NPSR1: variants seen among roughly 807,000 people sequenced by gnomAD.
The protein encoded by NPSR1 is neuropeptide S receptor.
NPSR1 carries 48 observed loss-of-function variants against 46.9 expected under a neutral mutation model. The ratio of observed to expected loss-of-function variants is 1.02; its 90% CI spans 0.81 to 1.30. The LOEUF is 1.30. NPSR1 is among the 50% of genes most tolerant of loss of function. NPSR1 has a pLI of 0.00. For missense variants in NPSR1, 450 were observed against 449.5 expected (o/e 1.00, Z -0.01); for synonymous variants, 176 against 168.1 (o/e 1.05, Z -0.36).
chr7:34,810,620 AC>A (rs1788932915), intron 3 of NPSR1, among the ~76,000 whole-genome samples: 1 of 152,096 alleles, frequency 6.6e-6, no homozygotes, highest in Non-Finnish European at 1.5e-5. Flanking sequence ...TCATCTCTTG[AC>A]TCCCACTGAT....
chr7:34,738,567 CT>C (rs888214623), intron 2 of NPSR1, among the ~76,000 whole-genome samples: 1 of 151,752 alleles, frequency 6.6e-6, no homozygotes, highest in African/African-American at 2.4e-5. Flanking sequence ...TTTTTGGCTT[CT>C]TTTTTTTCTT....
chr7:34,848,747 A>C, intron 8 of NPSR1, 84 bp downstream of exon 8: 1 of 1,218,502 alleles, frequency 8.2e-7, no homozygotes, highest in Non-Finnish European at 1.2e-6. Flanking sequence ...TCATGTCCAA[A>C]CTCTCCAGCA....
rs1791094434 is a variant in NPSR1, at chr7:34,858,230, A to G, written c.1025+9567A>G. 2.0e-5 allele frequency among the ~76,000 whole-genome samples: 3 copies of G among 151,946 alleles called. No homozygotes were observed. The South Asian group carries it at 6.2e-4, about 31-fold the overall frequency. ...GTGAATTATGTGCACCATAATAGAT[A>G]TGAAAAATATTTGTAATAGCACTAA... On this transcript the variant is annotated intron_variant, in intron 8 of 8. Transcript: ENST00000359791.
chr7:34,701,657 T>C (rs551875896), intron 2 of NPSR1, among the ~76,000 whole-genome samples: 1 of 152,318 alleles, frequency 6.6e-6, no homozygotes, highest in African/African-American at 2.4e-5. Context: ...TCCTCCCCTA[T>C]ATGCTTAAAT....
intron 7 of NPSR1, among the ~76,000 whole-genome samples, chr7:34,847,854 A>G (rs971268665): frequency 6.6e-6 from 1 of 152,114 alleles, no homozygotes; most frequent in African/African-American, 2.4e-5. Context: ...TAACCATCAC[A>G]CCTGAATCCC....
rs189249755 is a variant in NPSR1 at position 34,789,551 on chromosome 7, G to A, written c.384+10986G>A. The stretch of plus-strand genomic sequence containing the variant: ...CTCATGCCTGTAATCCCAGCACTTC[G>A]GGAGGCTGAGGCAGGCAGATCACCT... On this transcript the variant is annotated intron_variant, in intron 3 of 8. Transcript: ENST00000360581. Among the ~76,000 whole-genome samples, 241 of 151,678 alleles carry A rather than the reference G, an allele frequency of 1.6e-3. 1 individual carries two copies. The highest frequency in any genetic ancestry group is 5.6e-3 in the African/African-American group (231 of 41,374).
chr7:34,810,061 G>T (rs1261481964), intron 3 of NPSR1, among the ~76,000 whole-genome samples: 1 of 152,104 alleles, frequency 6.6e-6, no homozygotes, highest in Non-Finnish European at 1.5e-5. Flanking sequence ...TGCATTTGTA[G>T]AAATAACAAA....
chr7:34,706,000 C>A (rs1794086641), intron 2 of NPSR1, among the ~76,000 whole-genome samples: 1 of 149,176 alleles, frequency 6.7e-6, no homozygotes, highest in African/African-American at 2.5e-5. Context: ...GAGCCTTTTT[C>A]TTCACTCCAC....
chr7:34,873,953 C>T (rs1343426033), intron 8 of NPSR1, among the ~76,000 whole-genome samples: 2 of 151,656 alleles, frequency 1.3e-5, no homozygotes, highest in African/African-American at 4.9e-5. Flanking sequence ...CCTAACTGAT[C>T]ATTGATAACT....
At chr7:34,663,037 G>T (rs1389702029) in intron 1 of NPSR1, among the ~76,000 whole-genome samples, 4 of 76,098 alleles carry the variant, frequency 5.3e-5, no homozygotes, top group African/African-American at 7.7e-5. Flanking sequence ...CTTCTGTAGT[G>T]CATTTCTCTC....
intron 1 of NPSR1, 69 bp from the exon 2 acceptor site, chr7:34,684,483 G>A: frequency 1.3e-6 from 2 of 1,507,436 alleles, no homozygotes; most frequent in Non-Finnish European, 1.8e-6. Context: ...TCCAGCCTGG[G>A]GCAGGCATTC....
intron 8 of NPSR1, among the ~76,000 whole-genome samples, chr7:34,863,179 T>C (rs1234146869): frequency 6.6e-6 from 1 of 151,864 alleles, no homozygotes; most frequent in African/African-American, 2.4e-5. Flanking sequence ...GCTAGCCATA[T>C]GCAGAAAACT....
chr7:34,742,171 C>T (rs1400436919), intron 2 of NPSR1, among the ~76,000 whole-genome samples: 1 of 145,892 alleles, frequency 6.9e-6, no homozygotes, highest in Non-Finnish European at 1.5e-5. Flanking sequence ...AATCTCTCTC[C>T]TTTTTTTTTT....
chr7:34,792,684 TATATGTATATATATAC>T (rs1249416715), intron 3 of NPSR1, among the ~76,000 whole-genome samples: 8 of 119,802 alleles, frequency 6.7e-5, no homozygotes, highest in African/African-American at 2.5e-4. Flanking sequence ...TGTATATATA[TATATGTATATATATAC>T]GTATATATAT....
chr7:34,877,165 C>G (rs117857944), intron 8 of NPSR1, among the ~76,000 whole-genome samples: 9,450 of 151,440 alleles, frequency 0.062, 424 homozygotes, highest in Middle Eastern at 0.16. Flanking sequence ...TCAGCATGGA[C>G]AGTGTAGCCA....
chr7:34,823,905 C>CA (rs1789697865), intron 4 of NPSR1, among the ~76,000 whole-genome samples: 1 of 152,142 alleles, frequency 6.6e-6, no homozygotes, highest in Admixed American at 6.5e-5. Flanking sequence ...CTGGCTGTCT[C>CA]AGTTTCAACC....
intron 2 of NPSR1, among the ~76,000 whole-genome samples, chr7:34,686,893 A>G (rs567576753): frequency 1.3e-5 from 2 of 150,656 alleles, no homozygotes; most frequent in African/African-American, 4.9e-5. Context: ...TTCAGCTGAC[A>G]TCAGAAATGT....
At chr7:34,806,883 T>C (rs1187097618) in intron 3 of NPSR1, among the ~76,000 whole-genome samples, 1 of 152,126 alleles carries the variant, frequency 6.6e-6, no homozygotes, top group African/African-American at 2.4e-5. Flanking sequence ...TTTTGCTAAG[T>C]AAAATTTCTC....
At chr7:34,844,311 T>C (rs1459783148) in intron 6 of NPSR1, among the ~76,000 whole-genome samples, 4 of 152,202 alleles carry the variant, frequency 2.6e-5, no homozygotes, top group Admixed American at 6.5e-5. Context: ...CTCATCAATC[T>C]AGTAGATTCT....
Sources: allele counts gnomAD v4.1 joint callset (sites outside exome capture counted in the v4.1 genomes callset), GRCh38; gene constraint gnomAD v4.1.1; transcripts MANE v1.5; gene names NCBI Gene and HGNC (gene_info 2026-07-23, HGNC 2026-07-21).